The following CCDC141 variants were observed in gnomAD, a reference collection of about 807,000 sequenced individuals.
CCDC141 encodes the protein coiled-coil domain-containing protein 141.
In CCDC141, 168 loss-of-function variants were observed where a neutral mutation model predicts 181.0. The observed-to-expected ratio is 0.93, with a 90% CI of 0.82 to 1.05. The LOEUF is 1.05. Ranked by LOEUF, CCDC141 falls within the 50% of genes least tolerant of loss-of-function variation. The pLI is 0.00. For synonymous variants in CCDC141, 666 were observed against 642.3 expected (o/e 1.04, Z -0.56); for missense variants, 1,902 against 1,788.5 (o/e 1.06, Z -1.14).
At chr2:178,938,265 C>T (rs1309523806) in intron 6 of CCDC141, among the ~76,000 whole-genome samples, 1 of 152,116 alleles carries the variant, frequency 6.6e-6, no homozygotes, top group East Asian at 1.9e-4. Flanking sequence ...ACTGCCTTAG[C>T]TGTGTCCCAG....
intron 6 of CCDC141, among the ~76,000 whole-genome samples, chr2:178,920,785 A>G (rs756477547): frequency 5.3e-5 from 8 of 152,144 alleles, no homozygotes; most frequent in Admixed American, 2.0e-4. Context: ...GAAACTGTAC[A>G]TATTATTTTG....
chr2:178,970,633 A>C (rs1690844453), intron 4 of CCDC141, among the ~76,000 whole-genome samples: 1 of 152,238 alleles, frequency 6.6e-6, no homozygotes, highest in Non-Finnish European at 1.5e-5. Context: ...GATGAATCAA[A>C]GACTTAAATG....
chr2:178,889,693 A>G (rs1687056455), intron 8 of CCDC141, among the ~76,000 whole-genome samples: 1 of 152,196 alleles, frequency 6.6e-6, no homozygotes, highest in South Asian at 2.1e-4. Context: ...ATGCCACTAT[A>G]GAGCTGGAAA....
chr2:178,962,085 T>C (rs913622866), intron 4 of CCDC141, among the ~76,000 whole-genome samples: 3 of 152,172 alleles, frequency 2.0e-5, no homozygotes, highest in African/African-American at 4.8e-5. Context: ...AAATCTTTCA[T>C]AATTCATATT....
chr2:178,853,517 A>C lies in CCDC141; in HGVS notation c.3168T>G (p.Asn1056Lys). 1 of 1,614,162 alleles carries C rather than the reference A, an allele frequency of 6.2e-7. No individual in the cohort carries two copies. The highest frequency in any genetic ancestry group is 8.5e-7 in the Non-Finnish European group (1 of 1,179,998). Residue 1056 changes from asparagine (N) to lysine (K), a missense_variant, in exon 20 of 24, where the codon AAT becomes AAG. Asn to Lys is a moderately conservative substitution (Grantham distance 94). Transcript: ENST00000443758. ...EAVKILHQQFNKFIAPSVPQQ... is the reference protein window; with the variant it reads ...EAVKILHQQFKKFIAPSVPQQ... ...GCGGCACTGAGGGTGCAATAAACTT[A>C]TTAAACTGCTGGTGGAGAATTTTCA...
chr2:178,888,723 T>C, intron 8 of CCDC141, 55 bp from the exon 9 acceptor site: 1 of 1,539,248 alleles, frequency 6.5e-7, no homozygotes, highest in South Asian at 1.2e-5. Context: ...GAACACAGAA[T>C]ATTTGAAAAC....
At chr2:178,905,646 T>C (rs1007284993) in intron 7 of CCDC141, 145 bp from the exon 8 acceptor site, 8 of 841,230 alleles carry the variant, frequency 9.5e-6, no homozygotes, top group Admixed American at 9.4e-5. Context: ...TCTTGGAAGA[T>C]TGTTGGAAAA....
In CCDC141 at chr2:178,976,452, A is replaced by G. The variant is rs570106868; in HGVS notation, c.418-1287T>C. On this transcript the variant is annotated intron_variant, in intron 3 of 23. Coordinates refer to ENST00000443758, the MANE Select transcript of CCDC141 (RefSeq NM_173648.4). ...TGAAATCCAATTATAAGTGAAACAG[A>G]ATGATGAGAGAGAGACTGAAGAGCA... 3.3e-5 allele frequency among the ~76,000 whole-genome samples: 5 copies of G among 152,308 alleles called. No homozygotes were observed. In the South Asian group the frequency reaches 1.0e-3, roughly 32 times the overall value.
At chr2:178,900,257 C>A (rs779124933) in intron 8 of CCDC141, among the ~76,000 whole-genome samples, 13 of 152,010 alleles carry the variant, frequency 8.6e-5, no homozygotes, top group Non-Finnish European at 1.8e-4. Flanking sequence ...TGAAACCAGT[C>A]TGCATCATGA....
At chr2:178,962,015 G>A (rs934164032) in intron 4 of CCDC141, among the ~76,000 whole-genome samples, 4 of 152,196 alleles carry the variant, frequency 2.6e-5, no homozygotes, top group African/African-American at 9.6e-5. Flanking sequence ...CAGTGTTGAT[G>A]GAACTTCCAA....
intron 2 of CCDC141, among the ~76,000 whole-genome samples, chr2:179,015,120 T>TATATATAATC (rs2042423719): frequency 1.6e-5 from 1 of 62,026 alleles, no homozygotes; most frequent in Non-Finnish European, 3.0e-5. Context: ...TATATAATCA[T>TATATATAATC]ATATATATAT....
intron 8 of CCDC141, among the ~76,000 whole-genome samples, chr2:178,896,014 TATCATGGTCTG>T (rs1687387622): frequency 6.6e-6 from 1 of 152,224 alleles, no homozygotes; most frequent in African/African-American, 2.4e-5. Context: ...CCTGAGTTGA[TATCATGGTCTG>T]AATGAGGACA....
intron 4 of CCDC141, among the ~76,000 whole-genome samples, chr2:178,972,697 C>G (rs1463595305): frequency 6.6e-6 from 1 of 152,146 alleles, no homozygotes; most frequent in East Asian, 1.9e-4. Context: ...CTTTAACTAA[C>G]TAGGTAATTT....
At chr2:178,955,118 C>T (rs990942061) in intron 5 of CCDC141, among the ~76,000 whole-genome samples, 11 of 151,992 alleles carry the variant, frequency 7.2e-5, no homozygotes, top group African/African-American at 2.4e-4. Context: ...AATCTGGTCT[C>T]TACTAAAATA....
At chr2:178,879,160 G>A (rs183723864) in intron 11 of CCDC141, among the ~76,000 whole-genome samples, 187 of 152,260 alleles carry the variant, frequency 1.2e-3, no homozygotes, top group African/African-American at 4.3e-3. Context: ...AATCAAATGT[G>A]TCTGTAGACC....
chr2:178,928,087 T>C (rs181424462), intron 6 of CCDC141, among the ~76,000 whole-genome samples: 102 of 152,310 alleles, frequency 6.7e-4, no homozygotes, highest in Non-Finnish European at 9.6e-4. Flanking sequence ...AGAATAATTA[T>C]GCTAATTGTT....
At chr2:178,905,267 T>C (rs1687910472) in intron 8 of CCDC141, 62 bp downstream of exon 8, 1 of 1,391,048 alleles carries the variant, frequency 7.2e-7, no homozygotes. Flanking sequence ...ATCTTATTTT[T>C]AGCACGTTGT....
At chr2:179,041,550 T>A (rs62175994) in intron 2 of CCDC141, among the ~76,000 whole-genome samples, 16,470 of 132,458 alleles carry the variant, frequency 0.12, 1,107 homozygotes, top group Middle Eastern at 0.23. Flanking sequence ...GATGACAAGA[T>A]GAAATCCACA....
intron 6 of CCDC141, among the ~76,000 whole-genome samples, chr2:178,927,159 G>A (rs917809772): frequency 6.6e-6 from 1 of 151,984 alleles, no homozygotes; most frequent in African/African-American, 2.4e-5. Flanking sequence ...TCATCTTTTT[G>A]CAGGCTCTGG....
Sources: allele counts gnomAD v4.1 joint callset (sites outside exome capture counted in the v4.1 genomes callset), GRCh38; gene constraint gnomAD v4.1.1; transcripts MANE v1.5; gene names NCBI Gene and HGNC (gene_info 2026-07-23, HGNC 2026-07-21).